The following REV1 variants were observed in gnomAD, a reference collection of about 807,000 sequenced individuals.
REV1 encodes the protein translesion synthesis protein REV1.
A neutral mutation model predicts 137.4 loss-of-function variants in REV1; 42 were observed. The ratio of observed to expected loss-of-function variants is 0.31; its 90% CI spans 0.24 to 0.40. The LOEUF (loss-of-function observed/expected upper bound fraction) is 0.40. Ranked by LOEUF, REV1 falls within the 10% of genes least tolerant of loss-of-function variation. The probability of loss-of-function intolerance (pLI) is 1.00; values close to 1 mark genes in which losing one functional copy is unlikely to be tolerated. For missense variants in REV1, 1,282 were observed against 1,490.1 expected (o/e 0.86, Z 2.30); for synonymous variants, 524 against 519.2 (o/e 1.01, Z -0.12).
At chr2:99,418,627 T>C (rs569564860) in intron 12 of REV1, among the ~76,000 whole-genome samples, 3 of 152,242 alleles carry the variant, frequency 2.0e-5, no homozygotes, top group African/African-American at 7.2e-5. Flanking sequence ...AAAACAAAAA[T>C]GTAACATTAA....
chr2:99,429,964 A>G lies in REV1; in HGVS notation c.1439-16T>C, dbSNP rs1679908784. On this transcript the variant is annotated splice_polypyrimidine_tract_variant and intron_variant, in intron 8 of 22. Transcript: ENST00000258428. ...GGTATATCTGCTTTAAAAATAAAAA[A>G]AAATTAATGGTTATATGTTATAAAC... 2 of 1,472,468 alleles carry G rather than the reference A, an allele frequency of 1.4e-6. No individual in the cohort carries two copies. The highest frequency in any genetic ancestry group is 1.9e-6 in the Non-Finnish European group (2 of 1,080,106). 91.2% of individuals were successfully genotyped at this position (1,472,468 alleles called of 1,614,324 possible). A position where few individuals can be genotyped will look rare whatever the true frequency, so the allele number is the denominator to read the frequency against.
intron 3 of REV1, among the ~76,000 whole-genome samples, chr2:99,459,207 CAAA>C (rs201658669): frequency 2.2e-5 from 3 of 136,660 alleles, no homozygotes; most frequent in East Asian, 2.3e-4. Flanking sequence ...GACTCTGTCT[CAAA>C]AAAAAAAAAA....
intron 9 of REV1, among the ~76,000 whole-genome samples, 168 bp downstream of exon 9, chr2:99,429,672 A>G (rs1015553678): frequency 6.6e-6 from 1 of 151,996 alleles, no homozygotes; most frequent in East Asian, 1.9e-4. Context: ...AAAGTTATCT[A>G]GCACTGGTGG....
In REV1 at chr2:99,435,731, C is replaced by T. The variant is rs28382895; in HGVS notation, c.1321+103G>A. The T allele has an allele frequency of 8.0e-4, 487 of 608,384 alleles. 1 individual carries two copies. In the East Asian group the frequency reaches 0.015, roughly 19 times the overall value. The allele number at this position is 608,384 out of a possible 1,614,324, so 37.7% of individuals were successfully genotyped here. A position where few individuals can be genotyped will look rare whatever the true frequency, so the allele number is the denominator to read the frequency against. ...AGAAAATTTGGAAGAACCGATTTTC[C>T]CAAGGAAAATCATAATTTTTTAAAA... On this transcript the variant is annotated intron_variant, in intron 7 of 22. Transcript: ENST00000258428.
Position 99,402,295 on chromosome 2 carries a change from A to G in REV1, c.3593T>C (p.Ile1198Thr). 6.6e-7 allele frequency: 1 copy of G among 1,524,734 alleles called. No individual in the cohort carries two copies. The highest frequency in any genetic ancestry group is 9.0e-7 in the Non-Finnish European group (1 of 1,112,390). The allele number at this position is 1,524,734 out of a possible 1,614,324, so 94.5% of individuals were successfully genotyped here. A position where few individuals can be genotyped will look rare whatever the true frequency, so the allele number is the denominator to read the frequency against. ...CAGTTTTTCCAAATCTTTTTCTTCT[A>G]TTAGATCAGTACAGTATTTCACAAC... ...LQVVKYCTDLIEEKDLEKLDL... is the reference protein window; with the variant it reads ...LQVVKYCTDLTEEKDLEKLDL... Residue 1198 changes from isoleucine to threonine, a missense_variant, in exon 22 of 23, where the codon ATA becomes ACA. Ile to Thr is a moderately conservative substitution (Grantham distance 89, BLOSUM62 -1). Coordinates refer to ENST00000258428, the MANE Select transcript of REV1 (RefSeq NM_016316.4).
At chr2:99,430,375 G>A (rs1285123548) in intron 8 of REV1, among the ~76,000 whole-genome samples, 6 of 152,102 alleles carry the variant, frequency 3.9e-5, no homozygotes, top group Non-Finnish European at 5.9e-5. Context: ...ATTCTTTGCT[G>A]TTTCCTAAAA....
chr2:99,477,858 T>C (rs1381553348), intron 1 of REV1, among the ~76,000 whole-genome samples: 1 of 152,234 alleles, frequency 6.6e-6, no homozygotes, highest in East Asian at 1.9e-4. Flanking sequence ...GGGGGCTTCC[T>C]GAAACAACGA....
intron 11 of REV1, among the ~76,000 whole-genome samples, chr2:99,420,290 C>T (rs555437754): frequency 6.6e-6 from 1 of 152,256 alleles, no homozygotes; most frequent in Non-Finnish European, 1.5e-5. Flanking sequence ...AGACTGCCCT[C>T]CCAGGGCTGG....
At chr2:99,413,149 A>G (rs1677412492) in intron 12 of REV1, among the ~76,000 whole-genome samples, 198 bp from the exon 13 acceptor site, 1 of 152,234 alleles carries the variant, frequency 6.6e-6, no homozygotes, top group African/African-American at 2.4e-5. Context: ...TCTAGACTCT[A>G]CTTCTCAATT....
At position 99,400,522 on chromosome 2, in the gene REV1, CAT is replaced by C. The variant is rs1467557564; in HGVS notation, c.*717_*718del. 5.3e-5 allele frequency: 8 copies of C among 152,186 alleles called. No homozygotes were observed. Among genetic ancestry groups the C allele is most frequent in the Middle Eastern group, 6.8e-3 (2 of 294 alleles). The allele number at this position is 152,186 out of a possible 1,614,324, so 9.4% of individuals were successfully genotyped here. On this transcript the variant is annotated 3_prime_UTR_variant, in exon 23 of 23. Coordinates refer to ENST00000258428, the MANE Select transcript of REV1 (RefSeq NM_016316.4). ...TTTAAAGTTATGGCATAACATATAA[CAT>C]AAAAATATTTTATATACGTTTGAAA...
chr2:99,489,195 C>A (rs1201196306), intron 1 of REV1, among the ~76,000 whole-genome samples: 1 of 152,122 alleles, frequency 6.6e-6, no homozygotes, highest in Non-Finnish European at 1.5e-5. Context: ...ATTTAGCGAA[C>A]GGACAAGCAG....
chr2:99,403,557 C>A (rs1474942591), intron 19 of REV1, 138 bp downstream of exon 19: 4 of 1,051,888 alleles, frequency 3.8e-6, no homozygotes, highest in Non-Finnish European at 5.7e-6. Flanking sequence ...ATACTGTATA[C>A]TTCAGATATT....
intron 21 of REV1, 103 bp from the exon 22 acceptor site, chr2:99,402,449 T>C: frequency 1.3e-6 from 1 of 790,050 alleles, no homozygotes. Context: ...ACTATGTCAC[T>C]AACAGCTATC....
intron 4 of REV1, among the ~76,000 whole-genome samples, chr2:99,445,752 T>C (rs1682121536): frequency 1.3e-5 from 2 of 152,202 alleles, no homozygotes; most frequent in African/African-American, 2.4e-5. Context: ...CACTTTAATG[T>C]ACACAGGCTC....
At chr2:99,458,477 C>T (rs1406313451) in intron 3 of REV1, among the ~76,000 whole-genome samples, 4 of 152,194 alleles carry the variant, frequency 2.6e-5, no homozygotes, top group Non-Finnish European at 5.9e-5. Flanking sequence ...TCATACAAGG[C>T]TAGTGGGAGT....
intron 2 of REV1, 41 bp from the exon 3 acceptor site, chr2:99,462,663 T>G: frequency 6.4e-7 from 1 of 1,573,030 alleles, no homozygotes; most frequent in Non-Finnish European, 8.6e-7. Flanking sequence ...AAAGGTTACA[T>G]TTTCTCCCCC....
At chr2:99,446,314 G>A (rs1682199215) in intron 4 of REV1, among the ~76,000 whole-genome samples, 1 of 152,140 alleles carries the variant, frequency 6.6e-6, no homozygotes, top group South Asian at 2.1e-4. Flanking sequence ...TAATCATGCT[G>A]TCCAAAATCA....
chr2:99,414,080 G>A (rs892843650), intron 12 of REV1, among the ~76,000 whole-genome samples: 2 of 152,172 alleles, frequency 1.3e-5, no homozygotes, highest in Non-Finnish European at 2.9e-5. Flanking sequence ...CCTTGAGCCC[G>A]AGAGTTTGAG....
intron 4 of REV1, among the ~76,000 whole-genome samples, chr2:99,446,251 T>C (rs1682189126): frequency 1.3e-5 from 2 of 152,184 alleles, no homozygotes; most frequent in South Asian, 2.1e-4. Flanking sequence ...GGCAAGTCAG[T>C]GAGCCCCACT....
Sources: allele counts gnomAD v4.1 joint callset (sites outside exome capture counted in the v4.1 genomes callset), GRCh38; gene constraint gnomAD v4.1.1; transcripts MANE v1.5; gene names NCBI Gene and HGNC (gene_info 2026-07-23, HGNC 2026-07-21).